Variants in UTP11 observed in about 807,000 individuals in gnomAD.
UTP11 encodes the protein UTP11 small subunit processome component, also known as probable U3 small nucleolar RNA-associated protein 11.
In UTP11, 29 loss-of-function variants were observed where a neutral mutation model predicts 39.0. That is an observed-to-expected ratio of 0.74 (90% CI 0.55 to 1.01). The LOEUF is 1.01. UTP11 is among the 50% of genes least tolerant of loss of function. UTP11 has a pLI of 0.00. For missense variants in UTP11, 281 were observed against 306.0 expected, an observed-to-expected ratio of 0.92 and a Z score of 0.61; for synonymous variants, 111 against 105.0, an observed-to-expected ratio of 1.06 and a Z score of -0.35.
chr1:38,017,661 C>CT lies in UTP11; in HGVS notation c.126-3dup. 1 of 1,458,432 alleles carries CT rather than the reference C, an allele frequency of 6.9e-7. No individual in the cohort carries two copies. The allele number at this position is 1,458,432 out of a possible 1,614,324, so 90.3% of individuals were successfully genotyped here. A position where few individuals can be genotyped will look rare whatever the true frequency, so the allele number is the denominator to read the frequency against. On this transcript the variant is annotated splice_polypyrimidine_tract_variant and splice_region_variant and intron_variant, in intron 2 of 7. Coordinates refer to ENST00000373014, the MANE Select transcript of UTP11 (RefSeq NM_016037.4). ...TTGCTATGAACCTCATTTAACCTGT[C>CT]TTTTAGTGACTACCGTAAAAAACAA...
chr1:38,018,345 A>G (rs143881883), intron 3 of UTP11, 119 bp from the exon 4 acceptor site: 7 of 625,914 alleles, frequency 1.1e-5, no homozygotes, highest in African/African-American at 7.5e-5. Context: ...TGCTGGGATT[A>G]CAGGTGTGAG....
chr1:38,015,243 A>T (rs1646701545), intron 1 of UTP11, among the ~76,000 whole-genome samples: 1 of 152,022 alleles, frequency 6.6e-6, no homozygotes, highest in Non-Finnish European at 1.5e-5. Context: ...GCTTGTCTTG[A>T]ACTCCTGACC....
chr1:38,020,589 C>G (rs894742539), intron 6 of UTP11, among the ~76,000 whole-genome samples: 1 of 152,118 alleles, frequency 6.6e-6, no homozygotes, highest in East Asian at 1.9e-4. Context: ...GACAGCTGTT[C>G]TGTTTTGATT....
rs149048195 is a variant in UTP11, at chr1:38,017,748, A to C, written c.206A>C (p.Lys69Thr). ...AAAAATCCAGATGAATTCTACTACA[A>C]AATGACTCGGGTTAAACTCCAGGTG... Reference protein sequence around the residue: ...LEKNPDEFYYKMTRVKLQDGV... With the variant: ...LEKNPDEFYYTMTRVKLQDGV... Residue 69 changes from lysine to threonine, a missense_variant, in exon 3 of 8, where the codon AAA becomes ACA. Lys to Thr is a moderately conservative substitution (Grantham distance 78, BLOSUM62 -1). Coordinates refer to ENST00000373014, the MANE Select transcript of UTP11 (RefSeq NM_016037.4). 1.9e-6 allele frequency: 3 copies of C among 1,612,300 alleles called. No homozygotes were observed. Among genetic ancestry groups the C allele is most frequent in the Admixed American group, 1.7e-5 (1 of 59,704 alleles).
intron 1 of UTP11, 141 bp downstream of exon 1, chr1:38,013,006 G>A (rs1646686993): frequency 2.8e-6 from 3 of 1,066,430 alleles, no homozygotes; most frequent in African/African-American, 1.6e-5. Flanking sequence ...ACGCTGGCGT[G>A]GCTGGGGCGG....
chr1:38,022,582 G>A (rs1414328191), intron 6 of UTP11, 117 bp from the exon 7 acceptor site: 3 of 675,112 alleles, frequency 4.4e-6, no homozygotes, highest in East Asian at 2.8e-5. Flanking sequence ...TGTTGATTCT[G>A]GTGAAAGAAG....
Position 38,024,510 on chromosome 1 carries a change from C to T in UTP11, c.*882C>T, listed in dbSNP as rs1646754473. On this transcript the variant is annotated 3_prime_UTR_variant, in exon 8 of 8. Transcript: ENST00000373014. Reference sequence around the variant, plus strand: ...CTCCGCTTCCCGGGTTCACGCCATTCTCCTGCCTCAGCCTCCCGAGTAGCT... The same window carrying T: ...CTCCGCTTCCCGGGTTCACGCCATTTTCCTGCCTCAGCCTCCCGAGTAGCT... The T allele has an allele frequency of 6.7e-6, 1 of 149,966 alleles. No individual in the cohort carries two copies. Among genetic ancestry groups the T allele is most frequent in the Admixed American group, 6.7e-5 (1 of 14,888 alleles). The allele number at this position is 149,966 out of a possible 1,614,324, so 9.3% of individuals were successfully genotyped here.
chr1:38,016,514 T>C, intron 2 of UTP11, 94 bp downstream of exon 2: 1 of 1,307,518 alleles, frequency 7.6e-7, no homozygotes, highest in South Asian at 1.2e-5. Context: ...CAGGGGATAA[T>C]TTCCTGCCAT....
Position 38,019,148 on chromosome 1 carries a change from G to A in UTP11, c.432G>A (p.Lys144=). The A allele has an allele frequency of 3.1e-6, 5 of 1,614,024 alleles. No homozygotes were observed. The highest frequency in any genetic ancestry group is 3.4e-6 in the Non-Finnish European group (4 of 1,179,978). Residue 144 remains lysine, a synonymous_variant, in exon 5 of 8, where the codon AAG becomes AAA. Transcript: ENST00000373014. ...NKHVFFFDTK[K]EVEQFDVATH... The stretch of plus-strand genomic sequence containing the variant: ...ATGTGTTCTTTTTTGACACCAAAAA[G>A]GAAGGTATGAAATGTTTGAAGGTTT...
At chr1:38,013,158 C>G (rs1363556874) in intron 1 of UTP11, among the ~76,000 whole-genome samples, 1 of 152,180 alleles carries the variant, frequency 6.6e-6, no homozygotes, top group African/African-American at 2.4e-5. Context: ...AGTGCCTGGT[C>G]TCTTCTGAGG....
rs138309921 is a variant in UTP11 at position 38,023,333 on chromosome 1, A to G, written c.679-212A>G. Among the ~76,000 whole-genome samples, 498 of 152,300 alleles carry G rather than the reference A, an allele frequency of 3.3e-3. 4 individuals carry two copies. The highest frequency in any genetic ancestry group is 0.012 in the African/African-American group (481 of 41,550). On this transcript the variant is annotated intron_variant, in intron 7 of 7. Transcript: ENST00000373014. The stretch of plus-strand genomic sequence containing the variant: ...CAACTACTTGAACACCTTTCTTCTC[A>G]GTTTTCCTAGGACTGTACACAGCTA...
intron 6 of UTP11, among the ~76,000 whole-genome samples, chr1:38,022,110 T>C (rs1646741150): frequency 6.6e-6 from 1 of 152,232 alleles, no homozygotes; most frequent in Non-Finnish European, 1.5e-5. Flanking sequence ...CCGACTCTTC[T>C]GTTGCTCTCC....
At position 38,021,894 on chromosome 1, in the gene UTP11, G is replaced by GA. The variant is rs535193600; in HGVS notation, c.568-791dup. The stretch of plus-strand genomic sequence containing the variant: ...GGCGACAGAGCAAGACTCCGCCTCA[G>GA]AAAAAAAAAAAAAAGAAGAAAGATC... On this transcript the variant is annotated intron_variant, in intron 6 of 7. Transcript: ENST00000373014. 2.8e-3 allele frequency among the ~76,000 whole-genome samples: 361 copies of GA among 129,414 alleles called. 1 individual carries two copies. The highest frequency in any genetic ancestry group is 5.5e-3 in the South Asian group (22 of 4,036). 84.9% of individuals were successfully genotyped at this position (129,414 alleles called of 152,430 possible). A position where few individuals can be genotyped will look rare whatever the true frequency, so the allele number is the denominator to read the frequency against.
At chr1:38,021,211 G>A (rs903445612) in intron 6 of UTP11, among the ~76,000 whole-genome samples, 8 of 152,104 alleles carry the variant, frequency 5.3e-5, no homozygotes, top group African/African-American at 1.9e-4. Context: ...GTGAGCTACC[G>A]CGCCCGGCAA....
intron 2 of UTP11, 140 bp from the exon 3 acceptor site, chr1:38,017,524 CCAGT>C: frequency 1.7e-6 from 1 of 586,124 alleles, no homozygotes; most frequent in East Asian, 3.1e-5. Flanking sequence ...GTGTCCAGAT[CCAGT>C]CAGTGCTTTT....
chr1:38,019,432 GTT>G, intron 6 of UTP11, 49 bp downstream of exon 6: 1 of 1,042,866 alleles, frequency 9.6e-7, no homozygotes, highest in East Asian at 3.9e-5. Context: ...GAATCTAGGT[GTT>G]TTTTTTTTGT....
At chr1:38,022,487 G>A (rs535487967) in intron 6 of UTP11, among the ~76,000 whole-genome samples, 117 of 152,052 alleles carry the variant, frequency 7.7e-4, no homozygotes, top group Non-Finnish European at 1.4e-3. Flanking sequence ...GATTACTGGC[G>A]TGAGCCACTG....
rs927603376 is a variant in UTP11, at chr1:38,016,631, T to G, written c.125+211T>G. The G allele has an allele frequency of 2.6e-5, 14 of 538,960 alleles. No individual in the cohort carries two copies. The African/African-American group carries it at 2.7e-4, about 10-fold the overall frequency. The allele number at this position is 538,960 out of a possible 1,614,324, so 33.4% of individuals were successfully genotyped here. ...ATTATTTATTTAACTGTAGTTGCAT[T>G]GTGAATTATTTGTATTATGTTGTTC... On this transcript the variant is annotated intron_variant, in intron 2 of 7. Coordinates refer to ENST00000373014, the MANE Select transcript of UTP11 (RefSeq NM_016037.4).
chr1:38,013,129 TTGAG>T (rs1405012902), intron 1 of UTP11, among the ~76,000 whole-genome samples: 4 of 152,212 alleles, frequency 2.6e-5, no homozygotes, highest in African/African-American at 9.6e-5. Flanking sequence ...AGTGTGGTGA[TTGAG>T]TAAGATGTCT....
Sources: gnomAD v4.1 joint callset for allele counts (sites outside exome capture counted in the v4.1 genomes callset) on GRCh38, gnomAD v4.1.1 for gene constraint, MANE v1.5 for transcripts, NCBI Gene and HGNC (gene_info 2026-07-23, HGNC 2026-07-21) for gene names.